Variants in CD36 observed in about 807,000 individuals in gnomAD.
CD36 encodes the protein platelet glycoprotein 4.
A neutral mutation model predicts 55.2 loss-of-function variants in CD36; 119 were observed. That is an observed-to-expected ratio of 2.15 (90% CI 1.86 to 2.51). CD36 has a LOEUF of 2.51. Among genes scored for constraint, CD36 ranks in the 30% most tolerant of loss-of-function variants. The pLI is 0.00. For synonymous variants in CD36, 186 were observed against 193.6 expected (o/e 0.96, Z 0.33); for missense variants, 819 against 555.5 (o/e 1.47, Z -4.77).
intron 3 of CD36, among the ~76,000 whole-genome samples, chr7:80,651,748 T>A (rs1795639590): frequency 6.6e-6 from 1 of 151,920 alleles, no homozygotes; most frequent in Admixed American, 6.6e-5. Flanking sequence ...TCTCTACGAA[T>A]AATACAAAAA....
chr7:80,662,751 C>T (rs1185722006), intron 5 of CD36, among the ~76,000 whole-genome samples: 1 of 152,064 alleles, frequency 6.6e-6, no homozygotes, highest in Non-Finnish European at 1.5e-5. Context: ...TTAAGTGTAT[C>T]GTTAAATAAA....
chr7:80,665,383 A>C (rs932402229), intron 7 of CD36, among the ~76,000 whole-genome samples: 1 of 96,946 alleles, frequency 1.0e-5, no homozygotes, highest in Non-Finnish European at 3.1e-5. Flanking sequence ...AAGAGATGAA[A>C]TGTTTTTATT....
Position 80,674,076 on chromosome 7 carries a change from AGTGTTGGTGTG to A in CD36, c.1352_1362del (p.Val451AspfsTer99). On this transcript the variant is annotated frameshift_variant, in exon 14 of 15. Coordinates refer to ENST00000447544, the MANE Select transcript of CD36 (RefSeq NM_001001548.3). LOFTEE classifies it high-confidence loss of function. ...TGGCCTGATAGAAATGATCTTACTC[AGTGTTGGTGTG>A]GTGATGTTTGTTGCTTTTATGATTT... is the stretch of plus-strand genomic sequence containing the variant. 6.2e-7 allele frequency: 1 copy of A among 1,611,832 alleles called. No individual in the cohort carries two copies. The highest frequency in any genetic ancestry group is 8.5e-7 in the Non-Finnish European group (1 of 1,178,400).
chr7:80,673,542 A>G, intron 13 of CD36, 133 bp downstream of exon 13: 1 of 681,360 alleles, frequency 1.5e-6, no homozygotes, highest in Non-Finnish European at 2.7e-6. Context: ...GTATACATTT[A>G]TTTAACCTAT....
chr7:80,660,454 A>G (rs960454279), intron 4 of CD36, among the ~76,000 whole-genome samples: 4 of 152,184 alleles, frequency 2.6e-5, no homozygotes, highest in African/African-American at 9.6e-5. Context: ...ATATAAGAAA[A>G]TGTGCTCTAA....
rs769423626 is a variant in CD36 at position 80,673,347 on chromosome 7, T to TATTACAGAGTATTAAA, written c.1200-7_1208dup. 95 of 1,294,708 alleles carry TATTACAGAGTATTAAA rather than the reference T, an allele frequency of 7.3e-5. No homozygotes were observed. In the Middle Eastern group the frequency reaches 2.1e-3, roughly 29 times the overall value. 80.2% of individuals were successfully genotyped at this position (1,294,708 alleles called of 1,614,324 possible). On this transcript the variant is annotated splice_region_variant and splice_polypyrimidine_tract_variant and intron_variant, in intron 12 of 14. Coordinates refer to ENST00000447544, the MANE Select transcript of CD36 (RefSeq NM_001001548.3). ...TATGTTCATAATTATTTTCAACGTA[T>TATTACAGAGTATTAAA]ATTACAGAGTATTAAAGAATCTGAA...
intron 14 of CD36, chr7:80,674,423 G>A: frequency 2.6e-6 from 1 of 377,876 alleles, no homozygotes; most frequent in South Asian, 2.8e-5. Flanking sequence ...GTCCAAAATT[G>A]ACTGGTTCAT....
intron 11 of CD36, among the ~76,000 whole-genome samples, chr7:80,672,520 A>T (rs1312916159): frequency 1.3e-5 from 2 of 151,722 alleles, no homozygotes; most frequent in Non-Finnish European, 3.0e-5. Context: ...TGATTTTTTA[A>T]AAACCATTTC....
At chr7:80,615,667 T>C (rs1371538998) in intron 1 of CD36, among the ~76,000 whole-genome samples, 4 of 152,212 alleles carry the variant, frequency 2.6e-5, no homozygotes, top group African/African-American at 9.6e-5. Context: ...AGTTAGTGTT[T>C]GAATGAATAA....
intron 1 of CD36, among the ~76,000 whole-genome samples, chr7:80,616,840 T>TA (rs1265439344): frequency 2.0e-5 from 3 of 152,284 alleles, no homozygotes; most frequent in East Asian, 3.9e-4. Context: ...CATGTCTTTA[T>TA]ATAACAATGC....
chr7:80,603,602 T>C (rs1792364415), intron 1 of CD36, among the ~76,000 whole-genome samples: 1 of 152,094 alleles, frequency 6.6e-6, no homozygotes, highest in Non-Finnish European at 1.5e-5. Context: ...TTTCAAATGA[T>C]GTACTATGCA....
At chr7:80,612,634 A>G (rs1792934774) in intron 1 of CD36, among the ~76,000 whole-genome samples, 1 of 152,154 alleles carries the variant, frequency 6.6e-6, no homozygotes, top group Non-Finnish European at 1.5e-5. Context: ...TTCTATTTAG[A>G]TATTCCAGAT....
intron 1 of CD36, among the ~76,000 whole-genome samples, chr7:80,625,452 GGGC>G (rs1793690407): frequency 6.6e-6 from 1 of 152,120 alleles, no homozygotes; most frequent in African/African-American, 2.4e-5. Context: ...TTGCCGCAGT[GGGC>G]ATTGTGTGAA....
At chr7:80,674,627 C>A (rs1798078990) in intron 14 of CD36, among the ~76,000 whole-genome samples, 1 of 151,988 alleles carries the variant, frequency 6.6e-6, no homozygotes, top group Non-Finnish European at 1.5e-5. Context: ...CATAGTAGAA[C>A]CAAGTACTCA....
intron 4 of CD36, among the ~76,000 whole-genome samples, chr7:80,657,405 A>G (rs1281034993): frequency 6.6e-6 from 1 of 152,174 alleles, no homozygotes; most frequent in Non-Finnish European, 1.5e-5. Flanking sequence ...TCACTCTTAT[A>G]TTTCCTCTAG....
chr7:80,628,441 C>T (rs1029826932), intron 1 of CD36, among the ~76,000 whole-genome samples: 8 of 152,000 alleles, frequency 5.3e-5, no homozygotes, highest in African/African-American at 1.7e-4. Flanking sequence ...AATACAGTCA[C>T]ATGGTATATG....
At chr7:80,638,304 G>A (rs898047127), upstream of CD36, among the ~76,000 whole-genome samples, 4 of 151,620 alleles carry the variant, frequency 2.6e-5, no homozygotes, top group South Asian at 2.1e-4. Flanking sequence ...TTCCACCAGC[G>A]GTCTCAGTTC....
chr7:80,647,950 A>G (rs1224530300), intron 3 of CD36, among the ~76,000 whole-genome samples: 12 of 152,076 alleles, frequency 7.9e-5, no homozygotes, highest in Admixed American at 7.9e-4. Flanking sequence ...TTATTGCTAT[A>G]TTGTTAGTAT....
intron 7 of CD36, among the ~76,000 whole-genome samples, chr7:80,664,946 G>C (rs1796914752): frequency 6.6e-6 from 1 of 151,170 alleles, no homozygotes; most frequent in Non-Finnish European, 1.5e-5. Context: ...CCATATTCCA[G>C]TGGCATGACC....
Sources: gnomAD v4.1 joint callset for allele counts (sites outside exome capture counted in the v4.1 genomes callset) on GRCh38, gnomAD v4.1.1 for gene constraint, MANE v1.5 for transcripts, NCBI Gene and HGNC (gene_info 2026-07-23, HGNC 2026-07-21) for gene names.